The following MAP7D2 variants were observed in gnomAD, a reference collection of about 807,000 sequenced individuals.
MAP7D2 encodes the protein MAP7 domain-containing protein 2.
In MAP7D2, 33 loss-of-function variants were observed where a neutral mutation model predicts 63.5. The ratio of observed to expected loss-of-function variants is 0.52; its 90% CI spans 0.39 to 0.70. MAP7D2 has a LOEUF of 0.70. MAP7D2 is among the 30% of genes least tolerant of loss of function. The probability of loss-of-function intolerance (pLI) is 0.00; values close to 1 mark genes in which losing one functional copy is unlikely to be tolerated. For synonymous variants in MAP7D2, 224 were observed against 223.7 expected, an observed-to-expected ratio of 1.00 and a Z score of -0.01; for missense variants, 626 against 604.0, an observed-to-expected ratio of 1.04 and a Z score of -0.38.
intron 1 of MAP7D2, among the ~76,000 whole-genome samples, chrX:20,073,712 G>C (rs752593175): frequency 6.4e-4 from 68 of 106,861 alleles, no homozygotes; most frequent in African/African-American, 2.2e-3. Context: ...TGTTTTAGTA[G>C]AGATGGGGTT....
chrX:20,098,424 TAA>T (rs1216394394), intron 1 of MAP7D2, among the ~76,000 whole-genome samples: 1 of 111,744 alleles, frequency 8.9e-6, no homozygotes, highest in African/African-American at 3.3e-5. Context: ...AAACTCCAAA[TAA>T]AAAGTTACAC....
chrX:20,055,893 C>T lies in MAP7D2; in HGVS notation c.484+787G>A. 5.5e-6 allele frequency: 3 copies of T among 549,021 alleles called. No individual in the cohort carries two copies. In the Middle Eastern group the frequency reaches 1.3e-3, roughly 231 times the overall value. 45.2% of individuals were successfully genotyped at this position (549,021 alleles called of 1,213,427 possible). ...AGAAAAAAGTCCCAATTTCTTGTTGCTTCTTAGTTTCTAATTAGGAAATTA... is the reference window on the plus strand; with the variant it reads ...AGAAAAAAGTCCCAATTTCTTGTTGTTTCTTAGTTTCTAATTAGGAAATTA... On this transcript the variant is annotated intron_variant, in intron 4 of 16. Transcript: ENST00000379643.
chrX:20,098,570 G>A (rs919762251), intron 1 of MAP7D2, among the ~76,000 whole-genome samples: 1 of 110,891 alleles, frequency 9.0e-6, no homozygotes, highest in East Asian at 2.8e-4. Context: ...GGGGGGGAGC[G>A]GGTAGCAAGA....
chrX:20,111,984 C>A lies in MAP7D2; in HGVS notation c.130+4766G>T, dbSNP rs1157149521. Among the ~76,000 whole-genome samples, 3 of 111,656 alleles carry A rather than the reference C, an allele frequency of 2.7e-5. No homozygotes were observed. The Admixed American group carries it at 2.9e-4, about 11-fold the overall frequency. On this transcript the variant is annotated intron_variant, in intron 1 of 16. Transcript: ENST00000379643. ...ACAGGGTTTTGCCATGTTGCCCAGG[C>A]TGGTCTTGAACTCCTGAGTGCAAGC...
chrX:20,039,086 T>C (rs2064577248), intron 8 of MAP7D2, among the ~76,000 whole-genome samples: 1 of 112,447 alleles, frequency 8.9e-6, no homozygotes, highest in African/African-American at 3.2e-5. Context: ...GAATGGGTAG[T>C]AGAAGAAGGG....
chrX:20,076,884 A>G (rs2065658110), intron 1 of MAP7D2, among the ~76,000 whole-genome samples: 2 of 112,579 alleles, frequency 1.8e-5, no homozygotes, highest in Admixed American at 1.9e-4. Context: ...TTTTCCAGAA[A>G]AATGCAGACA....
At chrX:20,060,679 A>G (rs901092874) in intron 3 of MAP7D2, among the ~76,000 whole-genome samples, 5 of 110,847 alleles carry the variant, frequency 4.5e-5, no homozygotes, top group Admixed American at 9.5e-5. Context: ...GCTGTGTGGC[A>G]CGTGAAGGTT....
intron 3 of MAP7D2, among the ~76,000 whole-genome samples, chrX:20,058,298 T>G (rs910752572): frequency 2.0e-4 from 23 of 112,530 alleles, no homozygotes; most frequent in Non-Finnish European, 3.6e-4. Flanking sequence ...TGGGGCTGAA[T>G]AGTATTTCAT....
At chrX:20,060,419 AG>A (rs2065182197) in intron 3 of MAP7D2, among the ~76,000 whole-genome samples, 5 of 65,559 alleles carry the variant, frequency 7.6e-5, no homozygotes, top group African/African-American at 2.1e-4. Flanking sequence ...AAAAGAAAAG[AG>A]AGAGAGAGAG....
At chrX:20,066,177 C>A (rs2065359465) in intron 1 of MAP7D2, among the ~76,000 whole-genome samples, 1 of 111,971 alleles carries the variant, frequency 8.9e-6, no homozygotes, top group Admixed American at 9.4e-5. Context: ...CCGCCTCGGC[C>A]TCCCAAAGAA....
chrX:20,099,970 T>C (rs1028391724), intron 1 of MAP7D2, among the ~76,000 whole-genome samples: 1 of 111,472 alleles, frequency 9.0e-6, no homozygotes. Context: ...ACTCCTATTT[T>C]TATTTGAGGG....
At position 20,025,763 on chromosome X, in the gene MAP7D2, TTCCTC is replaced by T. The variant is rs1569516006; in HGVS notation, c.1192_1196del (p.Glu398SerfsTer38). On this transcript the variant is annotated frameshift_variant, in exon 9 of 17. Coordinates refer to ENST00000379643, the MANE Select transcript of MAP7D2 (RefSeq NM_001168465.2). LOFTEE classifies it high-confidence loss of function. ...TGTCCACTACATGCTTCTCTAGGGC[TTCCTC>T]TCCTTGCGGGCCAGCAGCCTGCTGA... 8.3e-7 allele frequency: 1 copy of T among 1,211,788 alleles called. No homozygotes were observed. Among genetic ancestry groups the T allele is most frequent in the Admixed American group, 2.2e-5 (1 of 46,028 alleles).
intron 6 of MAP7D2, among the ~76,000 whole-genome samples, chrX:20,048,975 A>C (rs749861439): frequency 9.1e-6 from 1 of 110,228 alleles, no homozygotes; most frequent in South Asian, 3.9e-4. Context: ...ATACGTATAC[A>C]TATACACATA....
rs776249661 is a variant in MAP7D2 at position 20,056,802 on chromosome X, C to T, written c.373-11G>A. The T allele has an allele frequency of 1.5e-5, 18 of 1,196,676 alleles. 1 individual carries two copies. The Admixed American group carries it at 3.9e-4, about 26-fold the overall frequency. On this transcript the variant is annotated splice_polypyrimidine_tract_variant and intron_variant, in intron 3 of 16. Coordinates refer to ENST00000379643, the MANE Select transcript of MAP7D2 (RefSeq NM_001168465.2). Reference sequence around the variant, plus strand: ...CGCCTCCAGCCGTTCCTACACAGTTCGTGTAAGGCAAGTGTTAACAAGATT... The same window carrying T: ...CGCCTCCAGCCGTTCCTACACAGTTTGTGTAAGGCAAGTGTTAACAAGATT...
At chrX:20,086,451 A>C in intron 1 of MAP7D2, among the ~76,000 whole-genome samples, 1 of 112,534 alleles carries the variant, frequency 8.9e-6, no homozygotes, top group Non-Finnish European at 1.9e-5. Context: ...ATGAAAAGGT[A>C]GACACTACAC....
At chrX:20,109,039 T>C (rs2066653460) in intron 1 of MAP7D2, among the ~76,000 whole-genome samples, 1 of 109,201 alleles carries the variant, frequency 9.2e-6, no homozygotes, top group South Asian at 4.0e-4. Context: ...AGAAATGAGA[T>C]CCCCATCGCC....
Position 20,064,803 on chromosome X carries a change from T to G in MAP7D2, c.133A>C (p.Met45Leu). 8.3e-7 allele frequency: 1 copy of G among 1,205,146 alleles called. No homozygotes were observed. Among genetic ancestry groups the G allele is most frequent in the Non-Finnish European group, 1.1e-6 (1 of 889,326 alleles). ...TSQPNYRPQG[M>L]EGFLKSDERQ... ...TCATCTGATTTCAAAAATCCCTCCATGCCTACAAAGGAGAAAACTAGATTA... is the reference window on the plus strand; with the variant it reads ...TCATCTGATTTCAAAAATCCCTCCAGGCCTACAAAGGAGAAAACTAGATTA... Residue 45 changes from methionine to leucine, a missense_variant and splice_region_variant, in exon 2 of 17, where the codon ATG (methionine) becomes CTG (leucine). Transcript: ENST00000379643.
chrX:20,104,429 T>C, intron 1 of MAP7D2, among the ~76,000 whole-genome samples: 2 of 111,855 alleles, frequency 1.8e-5, no homozygotes, highest in Middle Eastern at 4.6e-3. Context: ...GCCTCCCGAG[T>C]AGATGGGGTT....
intron 6 of MAP7D2, among the ~76,000 whole-genome samples, chrX:20,050,308 G>A (rs1339153198): frequency 8.9e-6 from 1 of 111,910 alleles, no homozygotes; most frequent in Non-Finnish European, 1.9e-5. Flanking sequence ...CTTTTGAGTA[G>A]TGAGGCTAGA....
Sources: gnomAD v4.1 joint callset for allele counts (sites outside exome capture counted in the v4.1 genomes callset) on GRCh38, gnomAD v4.1.1 for gene constraint, MANE v1.5 for transcripts, NCBI Gene and HGNC (gene_info 2026-07-23, HGNC 2026-07-21) for gene names.